PCDHGB4: variants seen among roughly 807,000 people sequenced by gnomAD.
PCDHGB4 encodes protocadherin gamma subfamily B, 4.
In PCDHGB4, 38 loss-of-function variants were observed where a neutral mutation model predicts 60.5. The observed-to-expected ratio is 0.63, with a 90% CI of 0.48 to 0.82. The LOEUF (loss-of-function observed/expected upper bound fraction) is 0.82. Among genes scored for constraint, PCDHGB4 ranks in the 40% least tolerant of loss-of-function variants. PCDHGB4 has a pLI of 0.00. For missense variants in PCDHGB4, 1,109 were observed against 1,209.6 expected (o/e 0.92, Z 1.23); for synonymous variants, 456 against 509.7 (o/e 0.89, Z 1.42).
chr5:141,418,151 G>T, intron 1 of PCDHGB4: 1 of 1,614,108 alleles, frequency 6.2e-7, no homozygotes, highest in Non-Finnish European at 8.5e-7. Flanking sequence ...AATATGCAAA[G>T]AGAGAAGAAG....
In PCDHGB4 at chr5:141,476,476, C is replaced by T; in HGVS notation, c.2398-18331C>T. 6.2e-7 allele frequency: 1 copy of T among 1,613,986 alleles called. No homozygotes were observed. The highest frequency in any genetic ancestry group is 8.5e-7 in the Non-Finnish European group (1 of 1,179,992). On this transcript the variant is annotated intron_variant, in intron 1 of 3. Transcript: ENST00000519479. The surrounding 1 kb of genome is among the most constrained non-coding windows in gnomAD (Gnocchi z 7.6). Reference sequence around the variant, plus strand: ...TGGAGAACCCGCTGGAGCTGTTCAGCGTGGAAGTGGTGATCCAGGACATCA... The same window carrying T: ...TGGAGAACCCGCTGGAGCTGTTCAGTGTGGAAGTGGTGATCCAGGACATCA...
intron 1 of PCDHGB4, chr5:141,409,130 G>C (rs1265386524): frequency 2.5e-6 from 4 of 1,613,994 alleles, no homozygotes; most frequent in Non-Finnish European, 3.4e-6. Flanking sequence ...ATTTGATTTT[G>C]AAGATGTAGA....
Position 141,486,824 on chromosome 5 carries a change from G to A in PCDHGB4, c.2398-7983G>A, listed in dbSNP as rs749609525. On this transcript the variant is annotated intron_variant, in intron 1 of 3. Coordinates refer to ENST00000519479, the MANE Select transcript of PCDHGB4 (RefSeq NM_003736.4). The surrounding 1 kb of genome is among the most constrained non-coding windows in gnomAD (Gnocchi z 5.0). ...CCCACCCCTTAGCAGCACTGTAACA[G>A]TTCGTCTATTTGTGCTGGACCTCAA... is the stretch of plus-strand genomic sequence containing the variant. 1 of 1,614,218 alleles carries A rather than the reference G, an allele frequency of 6.2e-7. No homozygotes were observed. Among genetic ancestry groups the A allele is most frequent in the Non-Finnish European group, 8.5e-7 (1 of 1,180,028 alleles).
Position 141,431,388 on chromosome 5 carries a change from T to G in PCDHGB4, c.2397+41107T>G. 1 of 1,613,920 alleles carries G rather than the reference T, an allele frequency of 6.2e-7. No individual in the cohort carries two copies. The highest frequency in any genetic ancestry group is 8.5e-7 in the Non-Finnish European group (1 of 1,180,038). ...CGCGAAGAAAAGGCTGCTCACCACC[T>G]GGTCCTTACGGCCTCCGACGGGGGC... On this transcript the variant is annotated intron_variant, in intron 1 of 3. Transcript: ENST00000519479. The surrounding 1 kb of genome is among the most constrained non-coding windows in gnomAD (Gnocchi z 4.8).
chr5:141,507,735 C>T (rs942364858), intron 3 of PCDHGB4, among the ~76,000 whole-genome samples: 3 of 152,268 alleles, frequency 2.0e-5, no homozygotes, highest in Non-Finnish European at 2.9e-5. Flanking sequence ...TCATGCAGCT[C>T]GTTCCCCTGT....
chr5:141,427,751 C>T (rs778043340), intron 1 of PCDHGB4: 1 of 1,306,072 alleles, frequency 7.7e-7, no homozygotes, highest in South Asian at 1.2e-5. Flanking sequence ...CCTACTCCAT[C>T]GTTACCACTG....
chr5:141,395,182 C>A (rs143509166), intron 1 of PCDHGB4: 1 of 1,614,114 alleles, frequency 6.2e-7, no homozygotes, highest in South Asian at 1.1e-5. Context: ...AAAAATGATT[C>A]TTTGTTAACA....
chr5:141,394,868 C>A, intron 1 of PCDHGB4: 1 of 1,613,828 alleles, frequency 6.2e-7, no homozygotes, highest in Non-Finnish European at 8.5e-7. Flanking sequence ...TCGACCCGAA[C>A]GATTCGAGCC....
chr5:141,420,065 G>A (rs1253164840), intron 1 of PCDHGB4: 4 of 1,614,018 alleles, frequency 2.5e-6, no homozygotes, highest in Non-Finnish European at 3.4e-6. Flanking sequence ...CTCCAAGTCC[G>A]GACCTGTGGG....
chr5:141,483,213 C>T (rs1343903817), intron 1 of PCDHGB4, among the ~76,000 whole-genome samples: 1 of 152,142 alleles, frequency 6.6e-6, no homozygotes, highest in Non-Finnish European at 1.5e-5. Flanking sequence ...ATATAGATGA[C>T]AGTCACTGCA....
At chr5:141,393,619 C>G (rs768350628) in intron 1 of PCDHGB4, 2 of 1,613,826 alleles carry the variant, frequency 1.2e-6, no homozygotes, top group Non-Finnish European at 1.7e-6. Flanking sequence ...GCCAGCGACC[C>G]GGATGAGGGA....
intron 1 of PCDHGB4, chr5:141,404,285 A>T (rs1195722797): frequency 1.9e-6 from 3 of 1,614,026 alleles, no homozygotes; most frequent in East Asian, 4.5e-5. Flanking sequence ...AGTGACTGAC[A>T]TCAATGATAA....
chr5:141,446,623 TGC>T (rs1310809206), intron 1 of PCDHGB4, among the ~76,000 whole-genome samples: 1 of 152,014 alleles, frequency 6.6e-6, no homozygotes, highest in African/African-American at 2.4e-5. Flanking sequence ...ACTACAGGCG[TGC>T]ACCACCACGC....
At chr5:141,454,203 T>C (rs981646952) in intron 1 of PCDHGB4, among the ~76,000 whole-genome samples, 2 of 152,148 alleles carry the variant, frequency 1.3e-5, no homozygotes, top group African/African-American at 4.8e-5. Flanking sequence ...GGTGAATTTA[T>C]TGACATGAAT....
intron 1 of PCDHGB4, chr5:141,408,368 C>T: frequency 3.1e-6 from 5 of 1,613,992 alleles, no homozygotes; most frequent in Non-Finnish European, 4.2e-6. Context: ...GGATCTAGGG[C>T]TCAGTGTCCT....
Position 141,477,388 on chromosome 5 carries a change from C to T in PCDHGB4, c.2398-17419C>T. The T allele has an allele frequency of 6.2e-7, 1 of 1,614,136 alleles. No homozygotes were observed. The highest frequency in any genetic ancestry group is 8.5e-7 in the Non-Finnish European group (1 of 1,180,014). On this transcript the variant is annotated intron_variant, in intron 1 of 3. Transcript: ENST00000519479. The surrounding 1 kb of genome is among the most constrained non-coding windows in gnomAD (Gnocchi z 4.9). Reference sequence around the variant, plus strand: ...ATCGGGAGACTGTGCCAGAATACAACCTCAGCATCACCGCCCGAGACGCCG... The same window carrying T: ...ATCGGGAGACTGTGCCAGAATACAATCTCAGCATCACCGCCCGAGACGCCG...
Position 141,432,289 on chromosome 5 carries a change from C to T in PCDHGB4, c.2397+42008C>T, listed in dbSNP as rs762278053. ...CGTCCTACGTGTCCATCAACTCCGACACTGGGGTACTGTATGCGCTGAGCT... is the reference window on the plus strand; with the variant it reads ...CGTCCTACGTGTCCATCAACTCCGATACTGGGGTACTGTATGCGCTGAGCT... On this transcript the variant is annotated intron_variant, in intron 1 of 3. Coordinates refer to ENST00000519479, the MANE Select transcript of PCDHGB4 (RefSeq NM_003736.4). The surrounding 1 kb of genome is among the most constrained non-coding windows in gnomAD (Gnocchi z 6.0). The T allele has an allele frequency of 6.2e-7, 1 of 1,614,266 alleles. No homozygotes were observed. Among genetic ancestry groups the T allele is most frequent in the Admixed American group, 1.7e-5 (1 of 60,038 alleles).
At position 141,489,577 on chromosome 5, in the gene PCDHGB4, C is replaced by A. The variant is rs918238376; in HGVS notation, c.2398-5230C>A. The stretch of plus-strand genomic sequence containing the variant: ...GCCAGTGCAGGTGGTGACTGAACAC[C>A]CCCTGGAGCTAATCCGTGTAGAGGT... On this transcript the variant is annotated intron_variant, in intron 1 of 3. Coordinates refer to ENST00000519479, the MANE Select transcript of PCDHGB4 (RefSeq NM_003736.4). This position sits in a 1 kb window ranked among gnomAD's most constrained non-coding sequence, Gnocchi z 4.5. The A allele has an allele frequency of 6.2e-7, 1 of 1,613,894 alleles. No individual in the cohort carries two copies. The highest frequency in any genetic ancestry group is 8.5e-7 in the Non-Finnish European group (1 of 1,180,000).
At chr5:141,398,957 T>G (rs1307112913) in intron 1 of PCDHGB4, 1 of 1,613,868 alleles carries the variant, frequency 6.2e-7, no homozygotes, top group South Asian at 1.1e-5. Context: ...AACTCAGAAA[T>G]TACTTATTCC....
Sources: allele counts gnomAD v4.1 joint callset (sites outside exome capture counted in the v4.1 genomes callset), GRCh38; gene constraint gnomAD v4.1.1; non-coding constraint Gnocchi (gnomAD v3.1); transcripts MANE v1.5; gene names NCBI Gene and HGNC (gene_info 2026-07-23, HGNC 2026-07-21).